The following ABI2 variants were observed in gnomAD, a reference collection of about 807,000 sequenced individuals.
ABI2 encodes abl interactor 2.
In ABI2, 25 loss-of-function variants were observed where a neutral mutation model predicts 59.2. The observed-to-expected ratio is 0.42, with a 90% CI of 0.31 to 0.59. The LOEUF (loss-of-function observed/expected upper bound fraction) is 0.59, where lower values mean the gene tolerates loss of function less well. ABI2 is among the 20% of genes least tolerant of loss of function. ABI2 has a pLI of 0.14. For missense variants in ABI2, 545 were observed against 681.8 expected (o/e 0.80, Z 2.23); for synonymous variants, 213 against 235.5 (o/e 0.90, Z 0.87).
intron 10 of ABI2, among the ~76,000 whole-genome samples, chr2:203,412,939 G>C (rs2097738287): frequency 6.6e-6 from 1 of 152,162 alleles, no homozygotes; most frequent in Non-Finnish European, 1.5e-5. Context: ...CATACAAGGT[G>C]GAAAGTCTAA....
chr2:203,380,003 G>A (rs545406677), intron 2 of ABI2, among the ~76,000 whole-genome samples: 2 of 152,260 alleles, frequency 1.3e-5, no homozygotes, highest in South Asian at 4.1e-4. Flanking sequence ...CAGATGATGG[G>A]CCAGATTTGG....
chr2:203,427,035 T>C, intron 11 of ABI2, 142 bp from the exon 12 acceptor site: 1 of 640,578 alleles, frequency 1.6e-6, no homozygotes. Context: ...AAAAAAAACA[T>C]GTAAGTTTTG....
intron 1 of ABI2, among the ~76,000 whole-genome samples, chr2:203,334,191 T>G (rs1368127612): frequency 6.6e-6 from 1 of 152,186 alleles, no homozygotes; most frequent in Non-Finnish European, 1.5e-5. Flanking sequence ...TCCACCCGCC[T>G]TGGCCTTCCA....
At chr2:203,333,022 C>A (rs1368233474) in intron 1 of ABI2, among the ~76,000 whole-genome samples, 2 of 152,130 alleles carry the variant, frequency 1.3e-5, no homozygotes, top group East Asian at 3.8e-4. Context: ...ATATTAGTAG[C>A]TTTCCTTTTC....
chr2:203,381,957 A>G (rs1201632341), intron 3 of ABI2, among the ~76,000 whole-genome samples: 1 of 152,234 alleles, frequency 6.6e-6, no homozygotes, highest in Non-Finnish European at 1.5e-5. Flanking sequence ...AATCTTTAAT[A>G]CAGTTAAATT....
intron 6 of ABI2, among the ~76,000 whole-genome samples, chr2:203,395,391 C>T (rs1254784951): frequency 6.8e-6 from 1 of 146,496 alleles, no homozygotes; most frequent in Non-Finnish European, 1.5e-5. Flanking sequence ...TCAAAACAAG[C>T]TTATTGAACT....
At chr2:203,400,025 T>C (rs548214869) in intron 8 of ABI2, among the ~76,000 whole-genome samples, 122 of 151,652 alleles carry the variant, frequency 8.0e-4, no homozygotes, top group African/African-American at 2.9e-3. Flanking sequence ...ATTAGGTATA[T>C]ATATTTTTAA....
chr2:203,358,071 TTGTGTGTGTGTG>T (rs71007506), intron 1 of ABI2, among the ~76,000 whole-genome samples: 31 of 128,850 alleles, frequency 2.4e-4, no homozygotes, highest in African/African-American at 7.0e-4. Context: ...CCTGGCCTGT[TTGTGTGTGTGTG>T]TGTGTGTGTG....
intron 3 of ABI2, 143 bp downstream of exon 3, chr2:203,380,527 A>G (rs2096050947): frequency 6.2e-6 from 3 of 486,590 alleles, no homozygotes; most frequent in Non-Finnish European, 1.0e-5. Context: ...CCTTGCTACT[A>G]TAACTGTTTT....
chr2:203,342,924 C>T (rs2080911474), intron 1 of ABI2, among the ~76,000 whole-genome samples: 2 of 152,122 alleles, frequency 1.3e-5, no homozygotes, highest in South Asian at 4.1e-4. Flanking sequence ...GTTTTTTAAT[C>T]ATTCATGCAT....
Position 203,344,912 on chromosome 2 carries a change from A to G in ABI2, c.117+16281A>G, listed in dbSNP as rs2082269750. Among the ~76,000 whole-genome samples the G allele has an allele frequency of 2.0e-5, 3 of 152,208 alleles. No individual in the cohort carries two copies. The South Asian group carries it at 6.2e-4, about 32-fold the overall frequency. On this transcript the variant is annotated intron_variant, in intron 1 of 11. Coordinates refer to ENST00000261018, the MANE Select transcript of ABI2 (RefSeq NM_001375670.1). The stretch of plus-strand genomic sequence containing the variant: ...AATAAGCACTCTGTAAAAACGAACC[A>G]ATCAGCGCTCTGTAAAATGGACCAA...
chr2:203,349,148 C>T (rs983261974), intron 1 of ABI2, among the ~76,000 whole-genome samples: 4 of 150,780 alleles, frequency 2.7e-5, no homozygotes, highest in Admixed American at 6.6e-5. Flanking sequence ...TGCCTTGTTG[C>T]GCAAGCTGGT....
Position 203,416,006 on chromosome 2 carries a change from A to G in ABI2, c.1280-902A>G, listed in dbSNP as rs547353395. Among the ~76,000 whole-genome samples the G allele has an allele frequency of 4.6e-5, 7 of 152,370 alleles. No homozygotes were observed. In the South Asian group the frequency reaches 1.0e-3, roughly 23 times the overall value. On this transcript the variant is annotated intron_variant, in intron 10 of 11. Coordinates refer to ENST00000261018, the MANE Select transcript of ABI2 (RefSeq NM_001375670.1). ...TATAGTCTGAATTAGAAGAAATTCT[A>G]TAAGTAAACAAACATCCTCATAGAT... is the stretch of plus-strand genomic sequence containing the variant.
intron 1 of ABI2, among the ~76,000 whole-genome samples, chr2:203,364,865 A>G (rs2094176306): frequency 6.6e-6 from 1 of 151,682 alleles, no homozygotes; most frequent in African/African-American, 2.4e-5. Flanking sequence ...TCTCTAGTAG[A>G]TAGGACTACA....
At position 203,416,928 on chromosome 2, in the gene ABI2, C is replaced by G. The variant is rs2097916320; in HGVS notation, c.1300C>G (p.Pro434Ala). The change falls in exon 11 of 12, where the codon CCG (proline) becomes GCG (alanine). Residue 434 changes from proline to alanine, a missense_variant. This residue lies in a region of ABI2 where 410 missense variants were observed against 435.6 expected (regional missense o/e 0.94). Transcript: ENST00000261018. The part of the protein sequence containing the change: ...QENISDTPPP[P>A]PPVEEPVFDE... ...CTTAGTTTCAGATACACCACCTCCACCGCCACCTGTGGAAGAACCAGTCTT... is the reference window on the plus strand; with the variant it reads ...CTTAGTTTCAGATACACCACCTCCAGCGCCACCTGTGGAAGAACCAGTCTT... 4 of 1,613,118 alleles carry G rather than the reference C, an allele frequency of 2.5e-6. No homozygotes were observed. Among genetic ancestry groups the G allele is most frequent in the Non-Finnish European group, 2.5e-6 (3 of 1,179,564 alleles).
intron 4 of ABI2, among the ~76,000 whole-genome samples, chr2:203,389,888 T>C (rs2096672078): frequency 6.6e-6 from 1 of 152,230 alleles, no homozygotes; most frequent in Non-Finnish European, 1.5e-5. Flanking sequence ...TCCCAGATTA[T>C]GCATCTTTCC....
At chr2:203,342,386 T>C (rs1467065629) in intron 1 of ABI2, among the ~76,000 whole-genome samples, 2 of 152,104 alleles carry the variant, frequency 1.3e-5, no homozygotes, top group Non-Finnish European at 2.9e-5. Context: ...CACTTATGTG[T>C]TGAAGGCTTT....
chr2:203,379,493 C>T (rs1170256069), intron 2 of ABI2, among the ~76,000 whole-genome samples: 4 of 152,158 alleles, frequency 2.6e-5, no homozygotes, highest in Admixed American at 1.3e-4. Context: ...CCCACCTTGG[C>T]CTCCCAAAGT....
In ABI2 at chr2:203,423,369, T is replaced by G. The variant is rs2098296234; in HGVS notation, c.1454-3808T>G. ...CAGGAGTTTATAGTGTAGAGAGTTT[T>G]ATGTTTAGATTGCTCCTCTTTGTTT... is the stretch of plus-strand genomic sequence containing the variant. On this transcript the variant is annotated intron_variant, in intron 11 of 11. Coordinates refer to ENST00000261018, the MANE Select transcript of ABI2 (RefSeq NM_001375670.1). Among the ~76,000 whole-genome samples, 3 of 152,212 alleles carry G rather than the reference T, an allele frequency of 2.0e-5. No homozygotes were observed. In the South Asian group the frequency reaches 6.2e-4, roughly 32 times the overall value.
Sources: gnomAD v4.1 joint callset for allele counts (sites outside exome capture counted in the v4.1 genomes callset) on GRCh38, gnomAD v4.1.1 for gene constraint, gnomAD v4.1.1 regional missense constraint, MANE v1.5 for transcripts, NCBI Gene and HGNC (gene_info 2026-07-23, HGNC 2026-07-21) for gene names.